CHRDL1: variants seen among roughly 807,000 people sequenced by gnomAD.
The protein encoded by CHRDL1 is chordin like 1, also known as chordin-like protein 1.
CHRDL1 carries 19 observed loss-of-function variants against 40.9 expected under a neutral mutation model. The ratio of observed to expected loss-of-function variants is 0.46; its 90% CI spans 0.32 to 0.68. The LOEUF is 0.68. Among genes scored for constraint, CHRDL1 ranks in the 30% least tolerant of loss-of-function variants. CHRDL1 has a pLI of 0.03. For synonymous variants in CHRDL1, 136 were observed against 123.4 expected, an observed-to-expected ratio of 1.10 and a Z score of -0.68; for missense variants, 329 against 352.1, an observed-to-expected ratio of 0.93 and a Z score of 0.53.
chrX:110,709,875 G>A (rs1034650273), intron 6 of CHRDL1, among the ~76,000 whole-genome samples: 1 of 111,306 alleles, frequency 9.0e-6, no homozygotes, highest in Non-Finnish European at 1.9e-5. Context: ...TGTGGTGAGC[G>A]CCTGTAGTCT....
At chrX:110,732,247 G>C (rs182991954) in intron 4 of CHRDL1, among the ~76,000 whole-genome samples, 1 of 111,265 alleles carries the variant, frequency 9.0e-6, no homozygotes, top group African/African-American at 3.3e-5. Flanking sequence ...CAGCCAGACA[G>C]CTCAGCTAAA....
intron 2 of CHRDL1, among the ~76,000 whole-genome samples, chrX:110,767,598 C>CAATAA (rs66986770): frequency 0.017 from 1,408 of 83,072 alleles, 22 homozygotes; most frequent in African/African-American, 0.047. Flanking sequence ...ACAAAGGATG[C>CAATAA]AATAAAATAA....
chrX:110,736,920 A>G (rs1281984880), intron 4 of CHRDL1, among the ~76,000 whole-genome samples: 1 of 111,814 alleles, frequency 8.9e-6, no homozygotes, highest in Non-Finnish European at 1.9e-5. Context: ...GCTATTATCT[A>G]CAATTATAGA....
chrX:110,720,038 C>A lies in CHRDL1; in HGVS notation c.448-110G>T, dbSNP rs1048778464. The A allele has an allele frequency of 3.9e-5, 17 of 433,436 alleles. No homozygotes were observed. In the African/African-American group the frequency reaches 4.0e-4, roughly 10 times the overall value. 35.7% of individuals were successfully genotyped at this position (433,436 alleles called of 1,213,427 possible). A position where few individuals can be genotyped will look rare whatever the true frequency, so the allele number is the denominator to read the frequency against. ...TCAAAACACGGCATGTCCTTCCCCC[C>A]AGCTCTCCCATCGTCAGTTCTCGGT... On this transcript the variant is annotated intron_variant, in intron 5 of 11. Transcript: ENST00000372042.
At chrX:110,720,537 G>A (rs1819515730) in intron 5 of CHRDL1, among the ~76,000 whole-genome samples, 1 of 111,785 alleles carries the variant, frequency 8.9e-6, no homozygotes, top group African/African-American at 3.3e-5. Flanking sequence ...TTAGTTCTTA[G>A]AAGCACATTC....
At position 110,774,722 on chromosome X, in the gene CHRDL1, G is replaced by A. The variant is rs761916165; in HGVS notation, c.95-11915C>T. Among the ~76,000 whole-genome samples, 5 of 111,691 alleles carry A rather than the reference G, an allele frequency of 4.5e-5. No individual in the cohort carries two copies. The East Asian group carries it at 1.4e-3, about 31-fold the overall frequency. On this transcript the variant is annotated intron_variant, in intron 2 of 11. Transcript: ENST00000372042. ...CTGAAGAATTTGTCCCTGGATATTT[G>A]TACTAAAACATACTAAAACCAAAAG... is the stretch of plus-strand genomic sequence containing the variant.
chrX:110,729,745 T>C (rs2071124181), intron 4 of CHRDL1, among the ~76,000 whole-genome samples: 1 of 111,490 alleles, frequency 9.0e-6, no homozygotes, highest in Admixed American at 9.5e-5. Flanking sequence ...TACTTCAGAG[T>C]GTCCCATTTG....
intron 4 of CHRDL1, among the ~76,000 whole-genome samples, chrX:110,734,889 C>A (rs1218105554): frequency 8.9e-6 from 1 of 111,749 alleles, no homozygotes; most frequent in Non-Finnish European, 1.9e-5. Context: ...AATGTTAAAT[C>A]AATGATTCTT....
At position 110,682,372 on chromosome X, in the gene CHRDL1, T is replaced by G. The variant is rs190687377; in HGVS notation, c.989-723A>C. Among the ~76,000 whole-genome samples, 30 of 112,098 alleles carry G rather than the reference T, an allele frequency of 2.7e-4. 1 individual carries two copies. Among genetic ancestry groups the G allele is most frequent in the Admixed American group, 2.2e-3 (23 of 10,591 alleles). ...GCGATGGATCATTTAATGTGTAAAC[T>G]AAACTGTTGAATTTCAGCTCGCAGG... On this transcript the variant is annotated intron_variant, in intron 9 of 11. Coordinates refer to ENST00000372042, the MANE Select transcript of CHRDL1 (RefSeq NM_001143981.2).
chrX:110,721,599 A>G, intron 4 of CHRDL1, 69 bp from the exon 5 acceptor site: 7 of 922,706 alleles, frequency 7.6e-6, no homozygotes, highest in Middle Eastern at 2.7e-4. Flanking sequence ...AAATCCCAAC[A>G]GCAGACGGGG....
At chrX:110,683,663 G>T (rs1257093393) in intron 9 of CHRDL1, among the ~76,000 whole-genome samples, 2 of 111,523 alleles carry the variant, frequency 1.8e-5, no homozygotes, top group Non-Finnish European at 3.8e-5. Flanking sequence ...TATGGCAGAC[G>T]TATCTGAATG....
At chrX:110,679,723 G>C (rs192049502) in intron 10 of CHRDL1, among the ~76,000 whole-genome samples, 85 of 111,574 alleles carry the variant, frequency 7.6e-4, no homozygotes, top group African/African-American at 2.3e-3. Flanking sequence ...TAGCATAAGT[G>C]CTTACTGGAG....
At chrX:110,726,647 C>A (rs182500122) in intron 4 of CHRDL1, among the ~76,000 whole-genome samples, 1 of 111,633 alleles carries the variant, frequency 9.0e-6, no homozygotes, top group African/African-American at 3.3e-5. Flanking sequence ...TGAGGTTCAG[C>A]GATAATTAAT....
At chrX:110,681,442 C>T (rs766320941) in intron 10 of CHRDL1, 40 bp downstream of exon 10, 2 of 1,123,168 alleles carry the variant, frequency 1.8e-6, no homozygotes, top group Non-Finnish European at 2.4e-6. Flanking sequence ...CTTTTCTGTG[C>T]CCCCTTACAA....
At chrX:110,720,060 C>T (rs768971642) in intron 5 of CHRDL1, 132 bp from the exon 6 acceptor site, 43 of 394,755 alleles carry the variant, frequency 1.1e-4, no homozygotes, top group Non-Finnish European at 1.9e-4. Flanking sequence ...CGTCAGTTCT[C>T]GGTACTTCCT....
In CHRDL1 at chrX:110,686,561, G is replaced by C. The variant is rs750217383; in HGVS notation, c.988+2033C>G. Among the ~76,000 whole-genome samples the C allele has an allele frequency of 8.1e-5, 9 of 111,627 alleles. No homozygotes were observed. In the East Asian group the frequency reaches 2.5e-3, roughly 31 times the overall value. On this transcript the variant is annotated intron_variant, in intron 9 of 11. Transcript: ENST00000372042. ...ACTAAAAGGTTTGAGGATCCAGTGA[G>C]ACCACAGACTTGGAAGTCATAATAG...
intron 2 of CHRDL1, among the ~76,000 whole-genome samples, chrX:110,771,385 G>C (rs1358485026): frequency 9.0e-6 from 1 of 111,672 alleles, no homozygotes; most frequent in Admixed American, 9.5e-5. Flanking sequence ...TACAAGAACA[G>C]AAACTACAGA....
intron 2 of CHRDL1, among the ~76,000 whole-genome samples, chrX:110,771,014 G>GT (rs2089748656): frequency 9.1e-6 from 1 of 110,128 alleles, no homozygotes; most frequent in Admixed American, 9.7e-5. Flanking sequence ...AGGCATGGTG[G>GT]TGAGTGCCTA....
chrX:110,791,061 T>C (rs1225328739), intron 2 of CHRDL1, among the ~76,000 whole-genome samples: 1 of 110,295 alleles, frequency 9.1e-6, no homozygotes, highest in East Asian at 2.8e-4. Flanking sequence ...CTGTTCTCCT[T>C]GTCAGCAAGC....
Sources: allele counts gnomAD v4.1 joint callset (sites outside exome capture counted in the v4.1 genomes callset), GRCh38; gene constraint gnomAD v4.1.1; transcripts MANE v1.5; gene names NCBI Gene and HGNC (gene_info 2026-07-23, HGNC 2026-07-21).